TEAD1: variants seen among roughly 807,000 people sequenced by gnomAD.
The protein encoded by TEAD1 is transcriptional enhancer factor TEF-1.
Under a neutral mutation model 54.9 loss-of-function variants are expected in TEAD1, and 9 were observed. That is an observed-to-expected ratio of 0.16 (90% CI 0.10 to 0.29). TEAD1 has a LOEUF of 0.29. Ranked by LOEUF, TEAD1 falls within the 10% of genes least tolerant of loss-of-function variation. The probability of loss-of-function intolerance (pLI) is 1.00; values close to 1 mark genes in which losing one functional copy is unlikely to be tolerated. For missense variants in TEAD1, 387 were observed against 535.9 expected, an observed-to-expected ratio of 0.72 and a Z score of 2.74; for synonymous variants, 200 against 187.8, an observed-to-expected ratio of 1.07 and a Z score of -0.53.
At chr11:12,742,243 C>T (rs1475608377) in intron 2 of TEAD1, among the ~76,000 whole-genome samples, 1 of 152,230 alleles carries the variant, frequency 6.6e-6, no homozygotes, top group Non-Finnish European at 1.5e-5. Context: ...TGACCACTGA[C>T]TAGTGACATG....
chr11:12,858,849 T>C (rs1947443325), intron 3 of TEAD1, among the ~76,000 whole-genome samples: 1 of 152,200 alleles, frequency 6.6e-6, no homozygotes, highest in South Asian at 2.1e-4. Flanking sequence ...ATTTTAGTCA[T>C]TGTTAGAAAA....
intron 9 of TEAD1, among the ~76,000 whole-genome samples, chr11:12,900,305 C>G (rs1948404143): frequency 6.6e-6 from 1 of 151,916 alleles, no homozygotes; most frequent in Admixed American, 6.5e-5. Context: ...GAATGAGTTT[C>G]CCTCCTTGGC....
chr11:12,912,168 A>G (rs186665337), intron 10 of TEAD1, among the ~76,000 whole-genome samples: 57 of 152,256 alleles, frequency 3.7e-4, no homozygotes, highest in African/African-American at 1.4e-3. Context: ...GTTGCTAGAA[A>G]GTCATTCAAC....
intron 2 of TEAD1, among the ~76,000 whole-genome samples, chr11:12,721,914 C>T (rs117705011): frequency 1.1e-4 from 16 of 152,288 alleles, no homozygotes; most frequent in Non-Finnish European, 1.9e-4. Context: ...ATTCTTAGAT[C>T]AGTGCTTCTC....
chr11:12,771,491 AAAG>A (rs1156941510), intron 3 of TEAD1, among the ~76,000 whole-genome samples: 1 of 152,192 alleles, frequency 6.6e-6, no homozygotes, highest in Non-Finnish European at 1.5e-5. Flanking sequence ...GATTTGTGAA[AAAG>A]AAGGAGTTTG....
chr11:12,901,833 C>A, intron 9 of TEAD1, 107 bp from the exon 10 acceptor site: 1 of 1,366,550 alleles, frequency 7.3e-7, no homozygotes, highest in Non-Finnish European at 1.0e-6. Flanking sequence ...ACTGGAAGGC[C>A]TAATTCCAGA....
chr11:12,781,951 C>CAAAAAAAAAAAAAAAAAAA (rs71454001), intron 3 of TEAD1, among the ~76,000 whole-genome samples: 10 of 65,230 alleles, frequency 1.5e-4, no homozygotes, highest in East Asian at 9.1e-4. Flanking sequence ...CTCGTCTGTA[C>CAAAAAAAAAAAAAAAAAAA]AAAAAAAAAA....
chr11:12,876,024 G>C (rs1438787022), intron 5 of TEAD1, among the ~76,000 whole-genome samples: 1 of 152,144 alleles, frequency 6.6e-6, no homozygotes, highest in Non-Finnish European at 1.5e-5. Flanking sequence ...TTTGAAGCCA[G>C]GTCTCCGGAC....
intron 2 of TEAD1, among the ~76,000 whole-genome samples, chr11:12,684,385 A>T (rs1205741297): frequency 6.6e-6 from 1 of 152,186 alleles, no homozygotes; most frequent in South Asian, 2.1e-4. Flanking sequence ...CACACTCCTA[A>T]CATTGGGGTT....
At chr11:12,888,082 T>C (rs1239814709) in intron 9 of TEAD1, among the ~76,000 whole-genome samples, 6 of 152,256 alleles carry the variant, frequency 3.9e-5, no homozygotes, top group Admixed American at 1.3e-4. Flanking sequence ...ATTAGTGACT[T>C]CTTTCATCTT....
chr11:12,741,925 T>G (rs1944658937), intron 2 of TEAD1, among the ~76,000 whole-genome samples: 1 of 152,202 alleles, frequency 6.6e-6, no homozygotes, highest in Non-Finnish European at 1.5e-5. Context: ...CATGTGGCTG[T>G]CTGTTACCTC....
chr11:12,810,251 T>G (rs539169463), intron 3 of TEAD1, among the ~76,000 whole-genome samples: 51 of 152,164 alleles, frequency 3.4e-4, no homozygotes, highest in African/African-American at 1.1e-3. Context: ...AGTGCTGGGA[T>G]TAAAGGCTTG....
chr11:12,840,965 A>G (rs961721805), intron 3 of TEAD1, among the ~76,000 whole-genome samples: 2 of 152,122 alleles, frequency 1.3e-5, no homozygotes, highest in African/African-American at 4.8e-5. Context: ...GAAATGGAAT[A>G]CTTTTTCTCA....
intron 11 of TEAD1, among the ~76,000 whole-genome samples, chr11:12,927,353 A>G (rs1948921843): frequency 6.6e-6 from 1 of 152,140 alleles, no homozygotes; most frequent in South Asian, 2.1e-4. Context: ...TTAAATTACC[A>G]TATATTCTGA....
At chr11:12,911,889 T>C (rs987909766) in intron 10 of TEAD1, among the ~76,000 whole-genome samples, 1 of 152,158 alleles carries the variant, frequency 6.6e-6, no homozygotes, top group Non-Finnish European at 1.5e-5. Flanking sequence ...TGTAGGCCTT[T>C]CTAAGGGAGC....
chr11:12,776,146 T>G (rs1945414433), intron 3 of TEAD1, among the ~76,000 whole-genome samples: 1 of 152,116 alleles, frequency 6.6e-6, no homozygotes, highest in South Asian at 2.1e-4. Flanking sequence ...GGCATTCTTA[T>G]TATAGGTTTT....
intron 5 of TEAD1, among the ~76,000 whole-genome samples, chr11:12,869,051 A>G (rs940869311): frequency 6.6e-6 from 1 of 152,214 alleles, no homozygotes; most frequent in Non-Finnish European, 1.5e-5. Context: ...GGGACCATGA[A>G]GAGCATCATG....
In TEAD1 at chr11:12,818,410, T is replaced by A. The variant is rs1004943513; in HGVS notation, c.203-43840T>A. On this transcript the variant is annotated intron_variant, in intron 3 of 12. Coordinates refer to ENST00000527636, the MANE Select transcript of TEAD1 (RefSeq NM_021961.6). The stretch of plus-strand genomic sequence containing the variant: ...ATGTGGCTAGATCTCATCAAGGGAT[T>A]TTTTTTCAGACTTGAAAAATAAAGT... Among the ~76,000 whole-genome samples the A allele has an allele frequency of 2.6e-5, 4 of 152,332 alleles. No individual in the cohort carries two copies. The South Asian group carries it at 8.3e-4, about 32-fold the overall frequency.
At chr11:12,930,390 A>C (rs944969207) in intron 12 of TEAD1, 64 bp downstream of exon 12, 20 of 1,605,324 alleles carry the variant, frequency 1.2e-5, no homozygotes, top group Non-Finnish European at 1.5e-5. Flanking sequence ...GAAGTGAGGA[A>C]GGTGGGCCTG....
Sources: allele counts gnomAD v4.1 joint callset (sites outside exome capture counted in the v4.1 genomes callset), GRCh38; gene constraint gnomAD v4.1.1; transcripts MANE v1.5; gene names NCBI Gene and HGNC (gene_info 2026-07-23, HGNC 2026-07-21).